Variants in CCDC60 observed in about 807,000 individuals in gnomAD.
CCDC60 encodes the protein coiled-coil domain containing 60.
Under a neutral mutation model 63.5 loss-of-function variants are expected in CCDC60, and 54 were observed. That is an observed-to-expected ratio of 0.85 (90% CI 0.68 to 1.07). The LOEUF (loss-of-function observed/expected upper bound fraction) is 1.07, where lower values mean the gene tolerates loss of function less well. Among genes scored for constraint, CCDC60 ranks in the 50% least tolerant of loss-of-function variants. CCDC60 has a pLI of 0.00. For synonymous variants in CCDC60, 206 were observed against 238.8 expected (o/e 0.86, Z 1.27); for missense variants, 651 against 684.3 (o/e 0.95, Z 0.54).
At chr12:119,532,460 G>A (rs1427750775) in intron 13 of CCDC60, among the ~76,000 whole-genome samples, 3 of 149,314 alleles carry the variant, frequency 2.0e-5, no homozygotes, top group Non-Finnish European at 3.0e-5. Context: ...TGGGATACAT[G>A]TGCGTAACGT....
At chr12:119,433,752 C>A (rs1950276477) in intron 2 of CCDC60, 1 of 610,016 alleles carries the variant, frequency 1.6e-6, no homozygotes. Flanking sequence ...AATATTTTAG[C>A]CCTCTTGTAA....
chr12:119,461,120 T>C (rs1178179214), intron 2 of CCDC60, among the ~76,000 whole-genome samples: 1 of 152,066 alleles, frequency 6.6e-6, no homozygotes, highest in Non-Finnish European at 1.5e-5. Context: ...CTTTTCTCTG[T>C]TTTCTCATCT....
intron 1 of CCDC60, among the ~76,000 whole-genome samples, chr12:119,353,159 T>A (rs560463394): frequency 6.6e-6 from 1 of 152,152 alleles, no homozygotes; most frequent in African/African-American, 2.4e-5. Flanking sequence ...TTTCTCCTTT[T>A]TTTTTTATAT....
intron 2 of CCDC60, among the ~76,000 whole-genome samples, chr12:119,440,086 A>C (rs1460107561): frequency 6.6e-6 from 1 of 152,120 alleles, no homozygotes; most frequent in Non-Finnish European, 1.5e-5. Flanking sequence ...GGGGATGGAG[A>C]GCATTAGGAC....
At chr12:119,491,490 G>A (rs1002123377) in intron 5 of CCDC60, among the ~76,000 whole-genome samples, 2 of 152,082 alleles carry the variant, frequency 1.3e-5, no homozygotes, top group East Asian at 1.9e-4. Context: ...CACCACGCCC[G>A]GCTAATTTTT....
chr12:119,412,595 A>G (rs7973138), intron 1 of CCDC60, among the ~76,000 whole-genome samples: 2 of 152,226 alleles, frequency 1.3e-5, no homozygotes, highest in Admixed American at 6.5e-5. Context: ...CCAACAGGAT[A>G]CGTTTAAACT....
chr12:119,442,689 A>G (rs1370367971), intron 2 of CCDC60, among the ~76,000 whole-genome samples: 2 of 152,230 alleles, frequency 1.3e-5, no homozygotes, highest in Admixed American at 1.3e-4. Flanking sequence ...CCACACAAAC[A>G]TAATAACTAT....
At position 119,488,122 on chromosome 12, in the gene CCDC60, A is replaced by G. The variant is rs1192297717; in HGVS notation, c.450-637A>G. Among the ~76,000 whole-genome samples, 5 of 152,216 alleles carry G rather than the reference A, an allele frequency of 3.3e-5. No individual in the cohort carries two copies. In the East Asian group the frequency reaches 5.8e-4, roughly 18 times the overall value. On this transcript the variant is annotated intron_variant, in intron 4 of 13. Coordinates refer to ENST00000327554, the MANE Select transcript of CCDC60 (RefSeq NM_178499.5). The stretch of plus-strand genomic sequence containing the variant: ...TGCGCCATCATTCCCAGCCTGAGAC[A>G]TATTTTTAAACAGTGTTTTAGTGAA...
intron 1 of CCDC60, among the ~76,000 whole-genome samples, chr12:119,398,684 C>A (rs1280567931): frequency 6.6e-6 from 1 of 152,228 alleles, no homozygotes; most frequent in Non-Finnish European, 1.5e-5. Flanking sequence ...TAAAAGTGGT[C>A]ATGGACACAC....
intron 1 of CCDC60, among the ~76,000 whole-genome samples, chr12:119,360,482 CTCACTTCTCAGA>C (rs1955772848): frequency 6.6e-6 from 1 of 151,090 alleles, no homozygotes; most frequent in Non-Finnish European, 1.5e-5. Flanking sequence ...GGAGAGGCTC[CTCACTTCTCAGA>C]TGGGGCGGCT....
rs1956581532 is a variant in CCDC60, at chr12:119,410,719, C to T, written c.91-17964C>T. On this transcript the variant is annotated intron_variant, in intron 1 of 13. Coordinates refer to ENST00000327554, the MANE Select transcript of CCDC60 (RefSeq NM_178499.5). This position sits in a 1 kb window ranked among gnomAD's most constrained non-coding sequence, Gnocchi z 4.0. The stretch of plus-strand genomic sequence containing the variant: ...CAGTTCTTGGATGATATCCCCATAA[C>T]AAAAGACGTATTAATGAAAGAAAAG... Among the ~76,000 whole-genome samples the T allele has an allele frequency of 1.3e-5, 2 of 152,164 alleles. No homozygotes were observed. Among genetic ancestry groups the T allele is most frequent in the Admixed American group, 6.5e-5 (1 of 15,272 alleles).
At chr12:119,457,343 G>T (rs1179267584) in intron 2 of CCDC60, among the ~76,000 whole-genome samples, 1 of 152,128 alleles carries the variant, frequency 6.6e-6, no homozygotes, top group African/African-American at 2.4e-5. Flanking sequence ...ACCCATTAAC[G>T]GGTCTTTCTC....
chr12:119,507,563 TA>T, intron 7 of CCDC60, among the ~76,000 whole-genome samples: 1 of 66,970 alleles, frequency 1.5e-5, no homozygotes, highest in African/African-American at 8.5e-5. Context: ...TATATATATA[TA>T]TATATGTATA....
chr12:119,536,604 G>C (rs1953013716), intron 13 of CCDC60, among the ~76,000 whole-genome samples: 1 of 152,158 alleles, frequency 6.6e-6, no homozygotes, highest in Non-Finnish European at 1.5e-5. Flanking sequence ...TTGTAAGGCA[G>C]GCCTGGTGGT....
At chr12:119,493,201 G>A (rs544555284) in intron 5 of CCDC60, among the ~76,000 whole-genome samples, 5 of 152,212 alleles carry the variant, frequency 3.3e-5, no homozygotes, top group African/African-American at 9.6e-5. Context: ...GACACCCACC[G>A]TGCATTTTCC....
intron 11 of CCDC60, 66 bp from the exon 12 acceptor site, chr12:119,528,549 G>A (rs1330874552): frequency 3.9e-6 from 6 of 1,527,330 alleles, no homozygotes; most frequent in Non-Finnish European, 3.5e-6. Flanking sequence ...ATCTCAAAGG[G>A]CAGCTAAGAT....
chr12:119,476,251 G>A (rs1566029935), intron 3 of CCDC60, among the ~76,000 whole-genome samples: 1 of 152,006 alleles, frequency 6.6e-6, no homozygotes, highest in Non-Finnish European at 1.5e-5. Flanking sequence ...CTGAAAAGGT[G>A]GAAAAAAAAG....
chr12:119,365,220 C>G (rs995271772), intron 1 of CCDC60, among the ~76,000 whole-genome samples: 1 of 152,156 alleles, frequency 6.6e-6, no homozygotes, highest in Non-Finnish European at 1.5e-5. Context: ...TGCTTCCTCC[C>G]TGTCCTGAGA....
chr12:119,481,850 A>T (rs1444839278), intron 4 of CCDC60, among the ~76,000 whole-genome samples: 1 of 151,740 alleles, frequency 6.6e-6, no homozygotes, highest in Non-Finnish European at 1.5e-5. Context: ...AGAACACAGT[A>T]TGTTTGGTTT....
Sources: allele counts gnomAD v4.1 joint callset (sites outside exome capture counted in the v4.1 genomes callset), GRCh38; gene constraint gnomAD v4.1.1; non-coding constraint Gnocchi (gnomAD v3.1); transcripts MANE v1.5; gene names NCBI Gene and HGNC (gene_info 2026-07-23, HGNC 2026-07-21).